Variants in GRID2 observed in about 807,000 individuals in gnomAD.
GRID2 encodes the protein glutamate receptor ionotropic, delta-2.
GRID2 carries 33 observed loss-of-function variants against 114.8 expected under a neutral mutation model. That is an observed-to-expected ratio of 0.29 (90% CI 0.22 to 0.38). The LOEUF is 0.38. Among genes scored for constraint, GRID2 ranks in the 10% least tolerant of loss-of-function variants. The pLI, the probability that GRID2 is intolerant of heterozygous loss-of-function variation, is 1.00. For missense variants in GRID2, 1,184 were observed against 1,257.7 expected (o/e 0.94, Z 0.89); for synonymous variants, 505 against 449.9 (o/e 1.12, Z -1.55).
At chr4:92,382,759 G>A (rs571251342) in intron 1 of GRID2, among the ~76,000 whole-genome samples, 13 of 151,896 alleles carry the variant, frequency 8.6e-5, no homozygotes, top group Admixed American at 4.6e-4. Flanking sequence ...TATTTTATGT[G>A]TAGAAAATAG....
At position 92,826,488 on chromosome 4, in the gene GRID2, G is replaced by T. The variant is rs147052758; in HGVS notation, c.244+236202G>T. ...GTTTTTAATTAATTATCTCATTTGT[G>T]GTCTGTTATTCCCACTGGAGTGTAA... is the stretch of plus-strand genomic sequence containing the variant. On this transcript the variant is annotated intron_variant, in intron 2 of 15. Coordinates refer to ENST00000282020, the MANE Select transcript of GRID2 (RefSeq NM_001510.4). Among the ~76,000 whole-genome samples, 830 of 151,928 alleles carry T rather than the reference G, an allele frequency of 5.5e-3. 14 individuals are homozygous for T. Among genetic ancestry groups the T allele is most frequent in the African/African-American group, 0.019 (790 of 41,432 alleles).
At chr4:92,743,636 T>C (rs965249707) in intron 2 of GRID2, among the ~76,000 whole-genome samples, 1 of 152,218 alleles carries the variant, frequency 6.6e-6, no homozygotes, top group Non-Finnish European at 1.5e-5. Context: ...CATCAAATTA[T>C]TGGATCTTCC....
intron 2 of GRID2, among the ~76,000 whole-genome samples, chr4:92,626,150 T>C (rs1403977825): frequency 6.6e-6 from 1 of 152,008 alleles, no homozygotes; most frequent in Non-Finnish European, 1.5e-5. Flanking sequence ...CCAAGCCATA[T>C]GACAAATGAA....
At chr4:92,951,148 T>C (rs1201808885) in intron 2 of GRID2, among the ~76,000 whole-genome samples, 3 of 152,202 alleles carry the variant, frequency 2.0e-5, no homozygotes, top group East Asian at 1.9e-4. Context: ...GTAGAGATAA[T>C]GTTTTCTGAT....
chr4:92,997,394 T>A (rs979408576), intron 2 of GRID2, among the ~76,000 whole-genome samples: 2 of 152,108 alleles, frequency 1.3e-5, no homozygotes, highest in African/African-American at 4.8e-5. Context: ...ATAAAATAAC[T>A]TGGAGTGGGA....
chr4:92,647,091 A>G (rs1389408461), intron 2 of GRID2, among the ~76,000 whole-genome samples: 1 of 152,204 alleles, frequency 6.6e-6, no homozygotes, highest in African/African-American at 2.4e-5. Context: ...ATGTTTCCCA[A>G]TATGTAGAGG....
intron 2 of GRID2, among the ~76,000 whole-genome samples, chr4:92,970,147 T>C (rs1753408497): frequency 6.6e-6 from 1 of 151,926 alleles, no homozygotes; most frequent in South Asian, 2.1e-4. Flanking sequence ...ACAAATATTG[T>C]TGACATTGAG....
chr4:93,064,300 A>G (rs772166088), intron 2 of GRID2, among the ~76,000 whole-genome samples: 53 of 151,590 alleles, frequency 3.5e-4, no homozygotes, highest in Middle Eastern at 3.4e-3. Flanking sequence ...ACTCTCTCCT[A>G]TGCATTTTCT....
At chr4:93,462,859 T>A (rs1413896419) in intron 11 of GRID2, among the ~76,000 whole-genome samples, 1 of 152,210 alleles carries the variant, frequency 6.6e-6, no homozygotes, top group African/African-American at 2.4e-5. Context: ...TCAATTTGAA[T>A]ATAATAAAAA....
chr4:93,549,845 C>A (rs59457985), intron 13 of GRID2, among the ~76,000 whole-genome samples: 23,729 of 152,038 alleles, frequency 0.16, 3,875 homozygotes, highest in African/African-American at 0.42. Flanking sequence ...AGGAAAAAAT[C>A]ATAATAATAC....
intron 1 of GRID2, among the ~76,000 whole-genome samples, chr4:92,511,739 A>T (rs1724261555): frequency 6.6e-6 from 1 of 151,892 alleles, no homozygotes; most frequent in African/African-American, 2.4e-5. Flanking sequence ...AATCAATGAA[A>T]GTTTTGCTAT....
At position 92,841,810 on chromosome 4, in the gene GRID2, A is replaced by T. The variant is rs374006920; in HGVS notation, c.245-243185A>T. ...TATAGCTTAATTTTTTTTTTCCTTT[A>T]GCAATTCTGACAGCTTTGAGTTCTC... On this transcript the variant is annotated intron_variant, in intron 2 of 15. Coordinates refer to ENST00000282020, the MANE Select transcript of GRID2 (RefSeq NM_001510.4). Among the ~76,000 whole-genome samples, 8 of 151,936 alleles carry T rather than the reference A, an allele frequency of 5.3e-5. No individual in the cohort carries two copies. The East Asian group carries it at 1.4e-3, about 26-fold the overall frequency.
intron 2 of GRID2, among the ~76,000 whole-genome samples, chr4:93,042,139 G>A (rs766177084): frequency 2.2e-4 from 33 of 151,882 alleles, no homozygotes; most frequent in South Asian, 6.2e-4. Flanking sequence ...TTCTGACCTC[G>A]TGATCTGCCT....
At chr4:92,345,014 G>A (rs568454274) in intron 1 of GRID2, among the ~76,000 whole-genome samples, 16 of 152,300 alleles carry the variant, frequency 1.1e-4, no homozygotes, top group South Asian at 2.1e-4. Flanking sequence ...TACCCAATAT[G>A]TAGTTGTTTA....
chr4:92,444,050 G>A (rs572706323), intron 1 of GRID2, among the ~76,000 whole-genome samples: 8 of 152,174 alleles, frequency 5.3e-5, no homozygotes, highest in Non-Finnish European at 8.8e-5. Flanking sequence ...AGAAGAGGCC[G>A]CTTAACTGAT....
intron 2 of GRID2, among the ~76,000 whole-genome samples, chr4:93,055,971 T>G (rs1727195992): frequency 6.6e-6 from 1 of 151,872 alleles, no homozygotes; most frequent in Non-Finnish European, 1.5e-5. Context: ...TTCACACTCT[T>G]AGTTTACGAC....
intron 14 of GRID2, among the ~76,000 whole-genome samples, chr4:93,765,005 A>T (rs1177966458): frequency 6.6e-6 from 1 of 152,214 alleles, no homozygotes; most frequent in African/African-American, 2.4e-5. Context: ...ACAATTCTTT[A>T]GATTTTCAAG....
rs139264916 is a variant in GRID2, at chr4:92,421,523, A to G, written c.88+116779A>G. On this transcript the variant is annotated intron_variant, in intron 1 of 15. Coordinates refer to ENST00000282020, the MANE Select transcript of GRID2 (RefSeq NM_001510.4). Reference sequence around the variant, plus strand: ...ATGAAAGTTTGTAGAAAAGTCAGTTAGAAGCTTTTGACCCTGTAAGATCTA... The same window carrying G: ...ATGAAAGTTTGTAGAAAAGTCAGTTGGAAGCTTTTGACCCTGTAAGATCTA... 9.0e-3 allele frequency among the ~76,000 whole-genome samples: 1,372 copies of G among 152,288 alleles called. 22 individuals carry two copies. Among genetic ancestry groups the G allele is most frequent in the African/African-American group, 0.031 (1,306 of 41,568 alleles).
intron 14 of GRID2, among the ~76,000 whole-genome samples, chr4:93,767,597 T>C (rs1406773937): frequency 6.6e-6 from 1 of 152,100 alleles, no homozygotes; most frequent in Non-Finnish European, 1.5e-5. Context: ...CTGGGAGAGA[T>C]GACAGGGACC....
Sources: allele counts gnomAD v4.1 joint callset (sites outside exome capture counted in the v4.1 genomes callset), GRCh38; gene constraint gnomAD v4.1.1; transcripts MANE v1.5; gene names NCBI Gene and HGNC (gene_info 2026-07-23, HGNC 2026-07-21).